The following CSMD1 variants were observed in gnomAD, a reference collection of about 807,000 sequenced individuals.
CSMD1 encodes the protein CUB and Sushi multiple domains 1.
In CSMD1, 213 loss-of-function variants were observed where a neutral mutation model predicts 417.5. That is an observed-to-expected ratio of 0.51 (90% confidence interval 0.46 to 0.57). CSMD1 has a LOEUF of 0.57. Ranked by LOEUF, CSMD1 falls within the 20% of genes least tolerant of loss-of-function variation. The pLI is 0.00. For missense variants in CSMD1, 6,923 were observed against 4,529.7 expected (o/e 1.53, Z -15.17); for synonymous variants, 2,862 against 1,736.8 (o/e 1.65, Z -16.11).
intron 11 of CSMD1, among the ~76,000 whole-genome samples, chr8:3,470,437 C>G (rs1286383727): frequency 6.6e-6 from 1 of 152,114 alleles, no homozygotes; most frequent in Non-Finnish European, 1.5e-5. Flanking sequence ...CTAGTTTCCC[C>G]GAGTGGTAAC....
At chr8:4,085,848 G>C (rs990237586) in intron 3 of CSMD1, among the ~76,000 whole-genome samples, 1 of 152,134 alleles carries the variant, frequency 6.6e-6, no homozygotes, top group African/African-American at 2.4e-5. Context: ...TGTCCCCAGA[G>C]TTTCCCTGTC....
At chr8:4,565,694 C>T (rs1164994167) in intron 2 of CSMD1, among the ~76,000 whole-genome samples, 1 of 148,062 alleles carries the variant, frequency 6.8e-6, no homozygotes, top group Admixed American at 6.8e-5. Flanking sequence ...GGGATTGTGC[C>T]ATTGCACTCC....
chr8:4,243,881 G>T (rs1199142196), intron 3 of CSMD1, among the ~76,000 whole-genome samples: 9 of 152,134 alleles, frequency 5.9e-5, no homozygotes, highest in Non-Finnish European at 1.3e-4. Context: ...TGTGGTTCCT[G>T]TTTTCTCCCA....
chr8:4,314,581 T>G (rs1431964103), intron 3 of CSMD1, among the ~76,000 whole-genome samples: 1 of 144,966 alleles, frequency 6.9e-6, no homozygotes, highest in Non-Finnish European at 1.5e-5. Flanking sequence ...CTTTTACTTA[T>G]GCTACTGGTT....
chr8:3,007,022 C>T (rs1310807791), intron 52 of CSMD1, among the ~76,000 whole-genome samples: 2 of 145,674 alleles, frequency 1.4e-5, no homozygotes, highest in Admixed American at 1.3e-4. Flanking sequence ...GCAACCTACT[C>T]ATCTGACAAA....
In CSMD1 at chr8:4,755,031, G is replaced by C. The variant is rs185998993; in HGVS notation, c.86-117473C>G. On this transcript the variant is annotated intron_variant, in intron 1 of 69. Coordinates refer to ENST00000635120, the MANE Select transcript of CSMD1 (RefSeq NM_033225.6). Reference sequence around the variant, plus strand: ...CATGTGCCTGTGATCCCAGCTACTTGGGAGGCTGAGGCAGAAGAATTGCTT... The same window carrying C: ...CATGTGCCTGTGATCCCAGCTACTTCGGAGGCTGAGGCAGAAGAATTGCTT... Among the ~76,000 whole-genome samples the C allele has an allele frequency of 7.2e-4, 109 of 151,538 alleles. No individual in the cohort carries two copies. The East Asian group carries it at 0.02, about 27-fold the overall frequency.
intron 27 of CSMD1, among the ~76,000 whole-genome samples, chr8:3,229,649 G>C (rs922764098): frequency 6.6e-6 from 1 of 152,118 alleles, no homozygotes; most frequent in Non-Finnish European, 1.5e-5. Context: ...CATCTAAAAA[G>C]AGAAAGTACT....
At chr8:3,593,879 T>G (rs944216564) in intron 8 of CSMD1, among the ~76,000 whole-genome samples, 2 of 152,202 alleles carry the variant, frequency 1.3e-5, no homozygotes, top group African/African-American at 4.8e-5. Context: ...TTCCTCCATC[T>G]TACTTGATTT....
chr8:2,989,043 G>C (rs1214317478), intron 54 of CSMD1, among the ~76,000 whole-genome samples: 1 of 152,228 alleles, frequency 6.6e-6, no homozygotes, highest in African/African-American at 2.4e-5. Flanking sequence ...ATCTTAGGAA[G>C]TAGTTAGGAA....
intron 3 of CSMD1, among the ~76,000 whole-genome samples, chr8:4,252,999 T>A (rs953218788): frequency 6.6e-6 from 1 of 152,188 alleles, no homozygotes; most frequent in Non-Finnish European, 1.5e-5. Context: ...TTAAAGCCAA[T>A]GTCGGATTAT....
intron 26 of CSMD1, among the ~76,000 whole-genome samples, chr8:3,241,632 G>T (rs576433837): frequency 6.6e-6 from 1 of 152,280 alleles, no homozygotes; most frequent in Admixed American, 6.5e-5. Flanking sequence ...GAGGAATCCT[G>T]GGCTGCAGGC....
chr8:4,961,789 T>G (rs191934038), intron 1 of CSMD1, among the ~76,000 whole-genome samples: 27 of 152,234 alleles, frequency 1.8e-4, no homozygotes, highest in Admixed American at 5.9e-4. Flanking sequence ...AGACTCTTTT[T>G]GTATTGTTTG....
At chr8:4,961,233 C>A (rs887148358) in intron 1 of CSMD1, among the ~76,000 whole-genome samples, 1 of 152,144 alleles carries the variant, frequency 6.6e-6, no homozygotes, top group Non-Finnish European at 1.5e-5. Context: ...TTCCCTAACA[C>A]TTCTGCAGTT....
rs752103765 is a variant in CSMD1, at chr8:3,878,631, C to G, written c.818+119272G>C. On this transcript the variant is annotated intron_variant, in intron 5 of 69. Transcript: ENST00000635120. Reference sequence around the variant, plus strand: ...TGTAAGATCTATCTCTGTTTATTGACAGAAAAATCTCCAAAAGACCCAAAT... The same window carrying G: ...TGTAAGATCTATCTCTGTTTATTGAGAGAAAAATCTCCAAAAGACCCAAAT... Among the ~76,000 whole-genome samples the G allele has an allele frequency of 2.7e-4, 41 of 152,170 alleles. 1 individual carries two copies. The highest frequency in any genetic ancestry group is 4.7e-4 in the Non-Finnish European group (32 of 68,024).
At chr8:4,934,724 C>G (rs977215988) in intron 1 of CSMD1, among the ~76,000 whole-genome samples, 1 of 152,166 alleles carries the variant, frequency 6.6e-6, no homozygotes, top group Admixed American at 6.5e-5. Flanking sequence ...TTTCATCCAT[C>G]TATATATCTA....
rs1388573994 is a variant in CSMD1 at position 2,966,638 on chromosome 8, G to T, written c.9032C>A (p.Thr3011Asn). 1.9e-6 allele frequency: 3 copies of T among 1,613,762 alleles called. No individual in the cohort carries two copies. Among genetic ancestry groups the T allele is most frequent in the Non-Finnish European group, 2.5e-6 (3 of 1,179,800 alleles). Reference sequence around the variant, plus strand: ...GCAATGCCGTGTCATGAGCCCTGAGGTCTTGTAGCCTTCCCAGCAGGCATA... The same window carrying T: ...GCAATGCCGTGTCATGAGCCCTGAGTTCTTGTAGCCTTCCCAGCAGGCATA... ...VIYACWEGYK[T>N]SGLMTRHCTA... The change falls in exon 58 of 70, where the codon ACC (threonine) becomes AAC (asparagine). Residue 3011 changes from threonine (T) to asparagine (N), a missense_variant. Transcript: ENST00000635120.
chr8:4,749,185 G>C (rs761535003), intron 1 of CSMD1, among the ~76,000 whole-genome samples: 2 of 152,114 alleles, frequency 1.3e-5, no homozygotes, highest in Admixed American at 6.5e-5. Context: ...TGATTGATAT[G>C]GATTAGAATA....
At chr8:3,839,613 C>G (rs1276074599) in intron 5 of CSMD1, among the ~76,000 whole-genome samples, 8 of 138,246 alleles carry the variant, frequency 5.8e-5, no homozygotes, top group Admixed American at 8.1e-5. Context: ...TAGTTGCCCA[C>G]TGCACTCCAG....
intron 3 of CSMD1, among the ~76,000 whole-genome samples, chr8:4,180,719 G>A (rs1030909666): frequency 6.6e-6 from 1 of 152,106 alleles, no homozygotes; most frequent in East Asian, 1.9e-4. Context: ...ACTCACCTTA[G>A]AAAAATGGAA....
Sources: gnomAD v4.1 joint callset for allele counts (sites outside exome capture counted in the v4.1 genomes callset) on GRCh38, gnomAD v4.1.1 for gene constraint, MANE v1.5 for transcripts, NCBI Gene and HGNC (gene_info 2026-07-23, HGNC 2026-07-21) for gene names.